CHN1: variants seen among roughly 807,000 people sequenced by gnomAD.
CHN1 encodes the protein N-chimaerin.
In CHN1, 37 loss-of-function variants were observed where a neutral mutation model predicts 59.5. The observed-to-expected ratio is 0.62, with a 90% CI of 0.48 to 0.82. The LOEUF (loss-of-function observed/expected upper bound fraction) is 0.82, where lower values mean the gene tolerates loss of function less well. Ranked by LOEUF, CHN1 falls within the 40% of genes least tolerant of loss-of-function variation. The pLI, the probability that CHN1 is intolerant of heterozygous loss-of-function variation, is 0.00. For synonymous variants in CHN1, 206 were observed against 200.4 expected (o/e 1.03, Z -0.24); for missense variants, 469 against 571.0 (o/e 0.82, Z 1.82).
At chr2:174,998,985 A>T (rs1041814684) in intron 1 of CHN1, among the ~76,000 whole-genome samples, 36 of 152,170 alleles carry the variant, frequency 2.4e-4, no homozygotes, top group African/African-American at 8.2e-4. Context: ...TTTTTAGTGT[A>T]TTCACAAAGT....
At chr2:174,879,825 G>A (rs1431049775) in intron 5 of CHN1, among the ~76,000 whole-genome samples, 2 of 152,154 alleles carry the variant, frequency 1.3e-5, no homozygotes, top group East Asian at 3.8e-4. Flanking sequence ...CATTTCTACA[G>A]TGGATACAGA....
intron 8 of CHN1, among the ~76,000 whole-genome samples, chr2:174,818,840 ATATC>A (rs1182709861): frequency 1.3e-5 from 2 of 152,222 alleles, no homozygotes; most frequent in East Asian, 3.8e-4. Context: ...CACAGGTTTT[ATATC>A]TAGAAAGCAC....
chr2:174,987,409 T>G (rs1013382653), intron 1 of CHN1, among the ~76,000 whole-genome samples: 3 of 150,568 alleles, frequency 2.0e-5, no homozygotes, highest in Non-Finnish European at 4.4e-5. Flanking sequence ...CTTTTTTCTT[T>G]TTTTTTTTTT....
chr2:174,836,623 A>G (rs977843892), intron 7 of CHN1, among the ~76,000 whole-genome samples: 5 of 152,162 alleles, frequency 3.3e-5, no homozygotes, highest in Non-Finnish European at 5.9e-5. Context: ...TTCATTTGAC[A>G]TTTAATCTTG....
chr2:174,877,123 G>A (rs1044585510), intron 6 of CHN1, among the ~76,000 whole-genome samples: 3 of 152,048 alleles, frequency 2.0e-5, no homozygotes, highest in Admixed American at 6.6e-5. Context: ...TGGGGGTGAG[G>A]AGGAGGCTGG....
intron 3 of CHN1, among the ~76,000 whole-genome samples, chr2:174,927,462 T>G (rs535906732): frequency 6.6e-6 from 1 of 152,364 alleles, no homozygotes; most frequent in East Asian, 1.9e-4. Context: ...AATAAAAGCT[T>G]TTTTAATGTA....
At chr2:174,914,860 A>C (rs1417280370) in intron 5 of CHN1, among the ~76,000 whole-genome samples, 198 bp downstream of exon 5, 1 of 151,654 alleles carries the variant, frequency 6.6e-6, no homozygotes, top group East Asian at 1.9e-4. Flanking sequence ...AAAAAAAAAA[A>C]AGTTTTTCTA....
Position 175,004,983 on chromosome 2 carries a change from C to T in CHN1, c.-71G>A, listed in dbSNP as rs1394021446. On this transcript the variant is annotated 5_prime_UTR_variant, in exon 1 of 13. Coordinates refer to ENST00000409900, the MANE Select transcript of CHN1 (RefSeq NM_001822.7). ...GGCGGGCTAGGGATCACCTCATCAGCCCGCCGCACCCACACCTCGGAGAGA... is the reference window on the plus strand; with the variant it reads ...GGCGGGCTAGGGATCACCTCATCAGTCCGCCGCACCCACACCTCGGAGAGA... 6.6e-7 allele frequency: 1 copy of T among 1,507,666 alleles called. No homozygotes were observed. The allele number at this position is 1,507,666 out of a possible 1,614,324, so 93.4% of individuals were successfully genotyped here. A position where few individuals can be genotyped will look rare whatever the true frequency, so the allele number is the denominator to read the frequency against.
chr2:174,924,095 T>C (rs1172272084), intron 3 of CHN1, among the ~76,000 whole-genome samples: 1 of 152,190 alleles, frequency 6.6e-6, no homozygotes, highest in Non-Finnish European at 1.5e-5. Context: ...CTGAAGGCAA[T>C]TTAGAAACAT....
intron 6 of CHN1, among the ~76,000 whole-genome samples, chr2:174,851,596 G>A (rs1329202677): frequency 2.0e-5 from 3 of 152,192 alleles, no homozygotes; most frequent in Admixed American, 6.5e-5. Flanking sequence ...TGCCCATCTT[G>A]ACACAGATAT....
intron 6 of CHN1, among the ~76,000 whole-genome samples, chr2:174,849,257 C>T (rs1452414289): frequency 6.6e-6 from 1 of 152,044 alleles, no homozygotes; most frequent in African/African-American, 2.4e-5. Flanking sequence ...AAATTTATAG[C>T]TAGGTAAAAG....
At chr2:174,847,101 T>C (rs751564472) in intron 6 of CHN1, 144 bp from the exon 7 acceptor site, 5 of 1,551,498 alleles carry the variant, frequency 3.2e-6, no homozygotes, top group Non-Finnish European at 3.5e-6. Context: ...CTATTAGTTT[T>C]CCTCCCTGAC....
chr2:174,835,278 C>T (rs1437829074), intron 7 of CHN1, among the ~76,000 whole-genome samples: 6 of 152,122 alleles, frequency 3.9e-5, no homozygotes, highest in Admixed American at 3.9e-4. Context: ...CTGTTCTTTC[C>T]CCAAATTTTC....
rs534512822 is a variant in CHN1, at chr2:175,003,857, G to C, written c.19+1037C>G. Reference sequence around the variant, plus strand: ...GGTCTAAGTTTAATTTATAAAATAAGATAGTTAAATAAAAGTAACACTTTG... The same window carrying C: ...GGTCTAAGTTTAATTTATAAAATAACATAGTTAAATAAAAGTAACACTTTG... On this transcript the variant is annotated intron_variant, in intron 1 of 12. Coordinates refer to ENST00000409900, the MANE Select transcript of CHN1 (RefSeq NM_001822.7). Among the ~76,000 whole-genome samples, 22 of 152,264 alleles carry C rather than the reference G, an allele frequency of 1.4e-4. No homozygotes were observed. The South Asian group carries it at 2.3e-3, about 16-fold the overall frequency.
At chr2:174,813,744 A>G (rs1685150616) in intron 8 of CHN1, among the ~76,000 whole-genome samples, 1 of 152,220 alleles carries the variant, frequency 6.6e-6, no homozygotes, top group South Asian at 2.1e-4. Context: ...AATCTAGTCC[A>G]AGTGGTGCAT....
intron 6 of CHN1, chr2:174,847,246 T>A (rs182963251): frequency 1.4e-6 from 2 of 1,408,918 alleles, no homozygotes; most frequent in East Asian, 2.5e-5. Flanking sequence ...TACAGAGAGC[T>A]GCAGAGAAAC....
At chr2:174,966,583 G>C (rs1213332245) in intron 1 of CHN1, among the ~76,000 whole-genome samples, 1 of 152,088 alleles carries the variant, frequency 6.6e-6, no homozygotes, top group Non-Finnish European at 1.5e-5. Context: ...GGCAGACCTA[G>C]CAAACAGATT....
chr2:174,813,913 G>A (rs372572279), intron 8 of CHN1, among the ~76,000 whole-genome samples: 8 of 152,278 alleles, frequency 5.3e-5, no homozygotes, highest in African/African-American at 1.7e-4. Context: ...TTTGAATGTT[G>A]TAAAATGCTA....
chr2:174,901,571 C>T (rs1203719423), intron 5 of CHN1, among the ~76,000 whole-genome samples: 4 of 152,222 alleles, frequency 2.6e-5, no homozygotes. Context: ...CTAATCCTCT[C>T]TCTACCTAAT....
Sources: gnomAD v4.1 joint callset for allele counts (sites outside exome capture counted in the v4.1 genomes callset) on GRCh38, gnomAD v4.1.1 for gene constraint, MANE v1.5 for transcripts, NCBI Gene and HGNC (gene_info 2026-07-23, HGNC 2026-07-21) for gene names.